The following MBD5 variants were observed in gnomAD, a reference collection of about 807,000 sequenced individuals.
MBD5 encodes the protein methyl-CpG-binding domain protein 5.
In MBD5, 13 loss-of-function variants were observed where a neutral mutation model predicts 117.3. That is an observed-to-expected ratio of 0.11 (90% CI 0.07 to 0.18). The LOEUF (loss-of-function observed/expected upper bound fraction) is 0.18. Among genes scored for constraint, MBD5 ranks in the 10% least tolerant of loss-of-function variants. The pLI is 1.00. For missense variants in MBD5, 1,879 were observed against 2,093.8 expected, an observed-to-expected ratio of 0.90 and a Z score of 2.00; for synonymous variants, 727 against 766.4, an observed-to-expected ratio of 0.95 and a Z score of 0.85.
chr2:148,313,501 C>G (rs1048181252), intron 3 of MBD5, among the ~76,000 whole-genome samples: 4 of 152,138 alleles, frequency 2.6e-5, no homozygotes, highest in African/African-American at 4.8e-5. Context: ...GCTCCAAGCT[C>G]GAGCCTCCCA....
At chr2:148,485,532 A>G (rs937160514) in intron 9 of MBD5, 1 of 559,416 alleles carries the variant, frequency 1.8e-6, no homozygotes, top group African/African-American at 1.9e-5. Flanking sequence ...CCATGATGTA[A>G]AATTAAAAAA....
At chr2:148,036,253 A>C (rs1398189864) in intron 1 of MBD5, among the ~76,000 whole-genome samples, 2 of 152,146 alleles carry the variant, frequency 1.3e-5, no homozygotes, top group African/African-American at 4.8e-5. Context: ...GGAAAGACTA[A>C]AATTAGAACC....
chr2:148,184,036 T>C (rs1464376253), intron 2 of MBD5, among the ~76,000 whole-genome samples: 1 of 151,556 alleles, frequency 6.6e-6, no homozygotes. Context: ...TTTTTTTTTT[T>C]TTTGAGACCT....
chr2:148,040,169 CT>C (rs1475261580), intron 1 of MBD5, among the ~76,000 whole-genome samples: 1 of 151,874 alleles, frequency 6.6e-6, no homozygotes, highest in East Asian at 1.9e-4. Flanking sequence ...ACATGTACCC[CT>C]GAACCTAAAA....
intron 1 of MBD5, among the ~76,000 whole-genome samples, chr2:148,030,028 T>C (rs765612020): frequency 1.3e-5 from 2 of 152,160 alleles, no homozygotes; most frequent in Non-Finnish European, 2.9e-5. Context: ...CCCAGCACTT[T>C]GGGAGGCCAA....
chr2:148,422,520 C>A (rs2105273539), intron 4 of MBD5, among the ~76,000 whole-genome samples: 1 of 152,232 alleles, frequency 6.6e-6, no homozygotes, highest in South Asian at 2.1e-4. Context: ...ACCAGAATGC[C>A]TCTTCTCCTC....
chr2:148,444,851 C>G (rs568716441), intron 4 of MBD5, among the ~76,000 whole-genome samples: 6 of 151,102 alleles, frequency 4.0e-5, no homozygotes, highest in African/African-American at 1.5e-4. Context: ...GTGAGGACTA[C>G]GTTCTCTTCA....
rs536373851 is a variant in MBD5, at chr2:148,179,083, G to T, written c.-831+290G>T. On this transcript the variant is annotated intron_variant, in intron 2 of 13. Transcript: ENST00000642680. ...AAAAAAGTAACTTCTGGCCGGGCGC[G>T]GTGGCTCACGCCTGTAATCCCAGCA... Among the ~76,000 whole-genome samples, 3 of 152,234 alleles carry T rather than the reference G, an allele frequency of 2.0e-5. No homozygotes were observed. The East Asian group carries it at 5.8e-4, about 29-fold the overall frequency.
intron 4 of MBD5, among the ~76,000 whole-genome samples, chr2:148,353,503 A>G (rs927175066): frequency 6.6e-6 from 1 of 152,122 alleles, no homozygotes; most frequent in Admixed American, 6.6e-5. Context: ...ACACGCACAC[A>G]AACACATAAA....
At chr2:148,507,789 T>C (rs1421760999) in intron 12 of MBD5, among the ~76,000 whole-genome samples, 1 of 151,378 alleles carries the variant, frequency 6.6e-6, no homozygotes, top group African/African-American at 2.4e-5. Context: ...TCTTGGCACA[T>C]AGACATTTTT....
intron 4 of MBD5, among the ~76,000 whole-genome samples, chr2:148,343,278 G>C (rs1321274327): frequency 6.6e-6 from 1 of 152,004 alleles, no homozygotes; most frequent in Non-Finnish European, 1.5e-5. Flanking sequence ...GTTTGCTTTT[G>C]GATATGTACC....
At chr2:148,053,404 A>T (rs1481769180) in intron 1 of MBD5, among the ~76,000 whole-genome samples, 2 of 152,132 alleles carry the variant, frequency 1.3e-5, no homozygotes, top group Non-Finnish European at 2.9e-5. Context: ...TTTGAAGCTT[A>T]ATAATAAAAT....
chr2:148,398,484 C>A (rs1704805889), intron 4 of MBD5, among the ~76,000 whole-genome samples: 1 of 152,146 alleles, frequency 6.6e-6, no homozygotes, highest in African/African-American at 2.4e-5. Context: ...CCTTAGCCCA[C>A]TTTTTGATGG....
intron 3 of MBD5, among the ~76,000 whole-genome samples, chr2:148,321,137 T>C (rs966690407): frequency 6.6e-6 from 1 of 152,198 alleles, no homozygotes; most frequent in African/African-American, 2.4e-5. Flanking sequence ...TGTATTGCAT[T>C]TCTGTAGATG....
intron 3 of MBD5, among the ~76,000 whole-genome samples, chr2:148,325,963 G>T (rs1702438428): frequency 6.6e-6 from 1 of 152,030 alleles, no homozygotes; most frequent in Admixed American, 6.6e-5. Context: ...GCTTTCTCTT[G>T]TGGGCATTTA....
chr2:148,275,872 A>C (rs1354999129), intron 3 of MBD5, among the ~76,000 whole-genome samples: 1 of 151,822 alleles, frequency 6.6e-6, no homozygotes, highest in Non-Finnish European at 1.5e-5. Flanking sequence ...TACAGCATTT[A>C]TTGCTGTTAT....
rs559035443 is a variant in MBD5 at position 148,172,712 on chromosome 2, C to T, written c.-924-5988C>T. Among the ~76,000 whole-genome samples the T allele has an allele frequency of 3.3e-5, 5 of 152,230 alleles. No homozygotes were observed. In the East Asian group the frequency reaches 9.7e-4, roughly 29 times the overall value. ...GAGTGAAAACTTATGATGCTTTTTC[C>T]AGACCCGCCATGGCTGCCCATGGAC... On this transcript the variant is annotated intron_variant, in intron 1 of 13. Coordinates refer to ENST00000642680, the MANE Select transcript of MBD5 (RefSeq NM_001378120.1).
In MBD5 at chr2:148,489,815, A is replaced by C. The variant is rs1034233456; in HGVS notation, c.4183A>C (p.Arg1395=). The C allele has an allele frequency of 9.9e-6, 16 of 1,614,096 alleles. No homozygotes were observed. In the East Asian group the frequency reaches 3.6e-4, roughly 36 times the overall value. Residue 1395 remains arginine, a synonymous_variant, in exon 11 of 14, where the codon AGA becomes CGA. Transcript: ENST00000642680. ...VDHDGRLRNS[R]GARLPKNLDH... ...TCATGATGGTAGGCTGAGGAATTCAAGAGGGGCTCGGCTGCCCAAGAATCT... is the reference window on the plus strand; with the variant it reads ...TCATGATGGTAGGCTGAGGAATTCACGAGGGGCTCGGCTGCCCAAGAATCT...
intron 2 of MBD5, among the ~76,000 whole-genome samples, chr2:148,206,265 CATT>C (rs1419940068): frequency 1.4e-4 from 22 of 152,054 alleles, no homozygotes; most frequent in Non-Finnish European, 2.6e-4. Flanking sequence ...CCCACTGTCA[CATT>C]ATCATTTAAC....
Sources: allele counts gnomAD v4.1 joint callset (sites outside exome capture counted in the v4.1 genomes callset), GRCh38; gene constraint gnomAD v4.1.1; transcripts MANE v1.5; gene names NCBI Gene and HGNC (gene_info 2026-07-23, HGNC 2026-07-21).